The following BICRAL variants were observed in gnomAD, a reference collection of about 807,000 sequenced individuals.
The protein encoded by BICRAL is BRD4-interacting chromatin-remodeling complex-associated protein-like.
Under a neutral mutation model 91.8 loss-of-function variants are expected in BICRAL, and 8 were observed. The observed-to-expected ratio is 0.09, with a 90% CI of 0.05 to 0.16. The LOEUF (loss-of-function observed/expected upper bound fraction) is 0.16. BICRAL is among the 10% of genes least tolerant of loss of function. The pLI, the probability that BICRAL is intolerant of heterozygous loss-of-function variation, is 1.00. For synonymous variants in BICRAL, 445 were observed against 491.1 expected, an observed-to-expected ratio of 0.91 and a Z score of 1.24; for missense variants, 1,038 against 1,310.9, an observed-to-expected ratio of 0.79 and a Z score of 3.21.
In BICRAL at chr6:42,848,610, G is replaced by A. The variant is rs60307337; in HGVS notation, c.1840-3482G>A. Among the ~76,000 whole-genome samples, 932 of 152,274 alleles carry A rather than the reference G, an allele frequency of 6.1e-3. 50 individuals are homozygous for A. In the East Asian group the frequency reaches 0.12, roughly 20 times the overall value. On this transcript the variant is annotated intron_variant, in intron 6 of 12. Coordinates refer to ENST00000314073, the MANE Select transcript of BICRAL (RefSeq NM_001393499.1). Reference sequence around the variant, plus strand: ...CTATAACCCCGCACTTTAGGTGGCCGAGGCAGGTGGATTGCTTGAGCTCAG... The same window carrying A: ...CTATAACCCCGCACTTTAGGTGGCCAAGGCAGGTGGATTGCTTGAGCTCAG...
intron 6 of BICRAL, among the ~76,000 whole-genome samples, chr6:42,846,045 G>C (rs1442533031): frequency 1.5e-5 from 2 of 135,284 alleles, no homozygotes; most frequent in African/African-American, 5.7e-5. Context: ...CTGGGCAATA[G>C]AGTGAGACTC....
chr6:42,788,935 C>T (rs968659314), intron 1 of BICRAL, among the ~76,000 whole-genome samples: 2 of 151,720 alleles, frequency 1.3e-5, no homozygotes, highest in African/African-American at 4.8e-5. Context: ...ATGAGGGCAG[C>T]GAAGAGCAGG....
chr6:42,863,049 CTT>C (rs34653827), intron 12 of BICRAL, among the ~76,000 whole-genome samples: 10 of 130,648 alleles, frequency 7.7e-5, no homozygotes, highest in Admixed American at 1.6e-4. Context: ...ATGGACATTT[CTT>C]TTTTTTTTTT....
At chr6:42,806,001 C>CAA (rs1232245289) in intron 1 of BICRAL, among the ~76,000 whole-genome samples, 3 of 91,516 alleles carry the variant, frequency 3.3e-5, no homozygotes, top group Non-Finnish European at 6.3e-5. Flanking sequence ...GACTCCATCT[C>CAA]AAAAAAAAAA....
chr6:42,804,163 C>T (rs532388464), intron 1 of BICRAL, among the ~76,000 whole-genome samples: 1 of 152,304 alleles, frequency 6.6e-6, no homozygotes, highest in African/African-American at 2.4e-5. Flanking sequence ...GCTGGGATTA[C>T]AGGCATGTGC....
At chr6:42,792,232 CAAT>C (rs1763294824) in intron 1 of BICRAL, among the ~76,000 whole-genome samples, 1 of 152,024 alleles carries the variant, frequency 6.6e-6, no homozygotes, top group Non-Finnish European at 1.5e-5. Flanking sequence ...TTTCCTTCCT[CAAT>C]AATAAGCTTA....
chr6:42,758,174 T>C (rs541642618), intron 1 of BICRAL, among the ~76,000 whole-genome samples: 46 of 152,300 alleles, frequency 3.0e-4, no homozygotes, highest in Admixed American at 9.8e-4. Flanking sequence ...TTCTTCTCCC[T>C]GGGCTATTGT....
chr6:42,793,160 T>C (rs1253762492), intron 1 of BICRAL, among the ~76,000 whole-genome samples: 2 of 98,072 alleles, frequency 2.0e-5, no homozygotes, highest in South Asian at 3.9e-4. Context: ...TTTTTTTTTT[T>C]TGAGACAGAG....
intron 1 of BICRAL, among the ~76,000 whole-genome samples, chr6:42,803,507 C>G (rs549876381): frequency 2.6e-5 from 4 of 152,260 alleles, no homozygotes; most frequent in Admixed American, 1.3e-4. Context: ...CACATGTAGC[C>G]TTGGTGCATA....
At chr6:42,862,733 G>T in intron 12 of BICRAL, 121 bp downstream of exon 12, 1 of 687,076 alleles carries the variant, frequency 1.5e-6, no homozygotes, top group Non-Finnish European at 2.7e-6. Context: ...GAATTCTGGG[G>T]AGAGCTGGGC....
intron 1 of BICRAL, among the ~76,000 whole-genome samples, chr6:42,792,269 T>C (rs1041196252): frequency 3.3e-5 from 5 of 152,146 alleles, no homozygotes; most frequent in East Asian, 1.9e-4. Flanking sequence ...TTTTTTCTTA[T>C]GAACATTTTT....
chr6:42,779,472 T>C (rs1447460361), upstream of BICRAL, among the ~76,000 whole-genome samples: 1 of 152,112 alleles, frequency 6.6e-6, no homozygotes, highest in Non-Finnish European at 1.5e-5. Context: ...AACCATCAGG[T>C]GTAGAAAAAT....
intron 1 of BICRAL, among the ~76,000 whole-genome samples, chr6:42,770,759 C>T (rs183770838): frequency 6.6e-6 from 1 of 151,860 alleles, no homozygotes; most frequent in Non-Finnish European, 1.5e-5. Context: ...GGCGCAATTT[C>T]CACTCACTGT....
chr6:42,851,517 G>T (rs1028171797), intron 6 of BICRAL, among the ~76,000 whole-genome samples: 3 of 152,072 alleles, frequency 2.0e-5, no homozygotes, highest in Non-Finnish European at 4.4e-5. Flanking sequence ...ATTATATTTT[G>T]CTCAGGCTAA....
rs148800354 is a variant in BICRAL, at chr6:42,846,427, A to C, written c.1840-5665A>C. 5.5e-3 allele frequency among the ~76,000 whole-genome samples: 831 copies of C among 152,190 alleles called. 3 individuals carry two copies. The highest frequency in any genetic ancestry group is 0.019 in the African/African-American group (780 of 41,526). ...AATAAATAAATAAATAAAGAGTTAT[A>C]GATTCCTAAACCCCACATTAGATTT... On this transcript the variant is annotated intron_variant, in intron 6 of 12. Transcript: ENST00000314073.
At chr6:42,766,856 C>T (rs545830084) in intron 1 of BICRAL, among the ~76,000 whole-genome samples, 5 of 152,178 alleles carry the variant, frequency 3.3e-5, no homozygotes, top group Admixed American at 6.5e-5. Context: ...CTGGCTAACA[C>T]AGTGAAACCT....
intron 8 of BICRAL, among the ~76,000 whole-genome samples, chr6:42,854,203 T>C (rs6936589): frequency 0.11 from 16,237 of 152,140 alleles, 1,746 homozygotes; most frequent in African/African-American, 0.27. Flanking sequence ...AGTCCAACTT[T>C]TTGGTTTTTG....
intron 4 of BICRAL, 24 bp downstream of exon 4, chr6:42,822,868 A>T: frequency 6.6e-7 from 1 of 1,518,332 alleles, no homozygotes; most frequent in Admixed American, 1.7e-5. Flanking sequence ...AGAATACCAC[A>T]GACATCTATT....
intron 6 of BICRAL, among the ~76,000 whole-genome samples, chr6:42,838,373 T>G (rs1416994316): frequency 2.0e-5 from 3 of 152,154 alleles, no homozygotes; most frequent in Admixed American, 2.0e-4. Flanking sequence ...CTCGGCTTCA[T>G]CAGGCTAAAT....
Sources: allele counts gnomAD v4.1 joint callset (sites outside exome capture counted in the v4.1 genomes callset), GRCh38; gene constraint gnomAD v4.1.1; transcripts MANE v1.5; gene names NCBI Gene and HGNC (gene_info 2026-07-23, HGNC 2026-07-21).